The following RPS13 variants were observed in gnomAD, a reference collection of about 807,000 sequenced individuals.
RPS13 encodes the protein ribosomal protein S13.
Under a neutral mutation model 24.6 loss-of-function variants are expected in RPS13, and 1 was observed. The observed-to-expected ratio is 0.04, with a 90% CI of 0.01 to 0.19. The LOEUF is 0.19. Among genes scored for constraint, RPS13 ranks in the 10% least tolerant of loss-of-function variants. The pLI is 1.00. For missense variants in RPS13, 88 were observed against 187.4 expected, an observed-to-expected ratio of 0.47 and a Z score of 3.10; for synonymous variants, 69 against 65.3, an observed-to-expected ratio of 1.06 and a Z score of -0.27.
At chr11:17,074,813 TAA>T in intron 5 of RPS13, 2 of 657,622 alleles carry the variant, frequency 3.0e-6, no homozygotes, top group Admixed American at 4.2e-5. Context: ...ACCTACTATC[TAA>T]AAGAGAGTCA....
At chr11:17,077,572 T>TCCCCCCCCCCCCCCCCCCCC in intron 1 of RPS13, 47 bp downstream of exon 1, 1 of 1,592,334 alleles carries the variant, frequency 6.3e-7, no homozygotes, top group Admixed American at 1.7e-5. Context: ...CTCCCTGTCT[T>TCCCCCCCCCCCCCCCCCCCC]CCTCCCACCC....
Position 17,077,519 on chromosome 11 carries a change from C to T in RPS13, c.24-42G>A, listed in dbSNP as rs200055065. ...TCTCGAGGTGAGGTGGCGGCTAGTGCCAGAGCAGCCCAGAACATCATCCCC... is the reference window on the plus strand; with the variant it reads ...TCTCGAGGTGAGGTGGCGGCTAGTGTCAGAGCAGCCCAGAACATCATCCCC... On this transcript the variant is annotated intron_variant, in intron 1 of 5. Coordinates refer to ENST00000525634, the MANE Select transcript of RPS13 (RefSeq NM_001017.3). The T allele has an allele frequency of 2.2e-4, 353 of 1,613,332 alleles. 1 individual carries two copies. The East Asian group carries it at 5.8e-3, about 26-fold the overall frequency.
intron 5 of RPS13, 84 bp downstream of exon 5, chr11:17,075,013 A>C: frequency 1.1e-6 from 1 of 919,998 alleles, no homozygotes; most frequent in South Asian, 1.5e-5. Flanking sequence ...ACTAGCCCCC[A>C]AGGCTGAACA....
At chr11:17,074,876 T>C (rs1327252616) in intron 5 of RPS13, 1 of 605,938 alleles carries the variant, frequency 1.7e-6, no homozygotes, top group Middle Eastern at 3.2e-4. Flanking sequence ...GGCCCTCTGC[T>C]TGTCTTTATT....
At chr11:17,077,594 A>G (rs773766692) in intron 1 of RPS13, 25 bp downstream of exon 1, 1 of 644,702 alleles carries the variant, frequency 1.6e-6, no homozygotes, top group African/African-American at 2.1e-5. Context: ...CCGCCCAGCA[A>G]TCCGGCTTGA....
chr11:17,077,544 C>T (rs1848039222), intron 1 of RPS13, 67 bp from the exon 2 acceptor site: 2 of 1,612,636 alleles, frequency 1.2e-6, no homozygotes, highest in East Asian at 2.2e-5. Context: ...ACATCATCCC[C>T]TCGGCCCGCT....
chr11:17,074,839 T>A, intron 5 of RPS13: 1 of 647,442 alleles, frequency 1.5e-6, no homozygotes, highest in South Asian at 1.6e-5. Context: ...GGCTTATTCA[T>A]GGTCTAAATC....
At position 17,075,148 on chromosome 11, in the gene RPS13, C is replaced by T; in HGVS notation, c.371G>A (p.Arg124His). The change falls in exon 5 of 6, where the codon CGT becomes CAT. Residue 124 changes from arginine (R) to histidine (H), a missense_variant. Arg to His is a conservative substitution (Grantham distance 29). Coordinates refer to ENST00000525634, the MANE Select transcript of RPS13 (RefSeq NM_001017.3). ...CTTGGTCTTATAATATCGAGCCAAA[C>T]GGTGAATCCGGCTCTCTATTAGAAT... The part of the protein sequence containing the change: ...RLILIESRIH[R>H]LARYYKTKRV... 2 of 1,611,858 alleles carry T rather than the reference C, an allele frequency of 1.2e-6. No homozygotes were observed. Among genetic ancestry groups the T allele is most frequent in the Non-Finnish European group, 1.7e-6 (2 of 1,179,432 alleles).
rs754649727 is a variant in RPS13, at chr11:17,077,441, G to C, written c.60C>G (p.Arg20=). The C allele has an allele frequency of 1.9e-6, 3 of 1,610,800 alleles. No homozygotes were observed. Among genetic ancestry groups the C allele is most frequent in the Non-Finnish European group, 2.5e-6 (3 of 1,178,692 alleles). The change falls in exon 2 of 6, where the codon CGC becomes CGG. Residue 20 remains arginine (R), a synonymous_variant. Coordinates refer to ENST00000525634, the MANE Select transcript of RPS13 (RefSeq NM_001017.3). ...GCGCGCTACTTACAGTGGGGACGCT[G>C]CGTCGATAGGGTAAAGCCGACTGGG... The part of the protein sequence containing the change: ...GLSQSALPYR[R]SVPTWLKLTS...
In RPS13 at chr11:17,074,416, T is replaced by G. The variant is rs1033495682; in HGVS notation, c.*17A>C. On this transcript the variant is annotated 3_prime_UTR_variant, in exon 6 of 6. Transcript: ENST00000525634. ...TTAGTTAAACAATCATTTTATTGCT[T>G]GAGTACACAGACAAATTTATGCGAC... is the stretch of plus-strand genomic sequence containing the variant. 5.0e-6 allele frequency: 8 copies of G among 1,593,658 alleles called. No homozygotes were observed. The African/African-American group carries it at 9.4e-5, about 19-fold the overall frequency.
Position 17,077,233 on chromosome 11 carries a change from G to A in RPS13, c.86C>T (p.Thr29Ile). Residue 29 changes from threonine (T) to isoleucine (I), a missense_variant, in exon 3 of 6, where the codon ACA becomes ATA. Transcript: ENST00000525634. ...RRSVPTWLKL[T>I]SDDVKEQIYK... ...AATCTGCTCCTTCACGTCGTCAGAT[G>A]TCAACTTCAACCACTGTTATGGAAT... The A allele has an allele frequency of 6.2e-7, 1 of 1,613,792 alleles. No homozygotes were observed. The highest frequency in any genetic ancestry group is 8.5e-7 in the Non-Finnish European group (1 of 1,179,724).
chr11:17,077,249 G>A lies in RPS13; in HGVS notation c.73-3C>T, dbSNP rs975779179. On this transcript the variant is annotated splice_polypyrimidine_tract_variant and splice_region_variant and intron_variant, in intron 2 of 5. Transcript: ENST00000525634. ...TCGTCAGATGTCAACTTCAACCACTGTTATGGAATAGAAAGCAGCCTTAGG... is the reference window on the plus strand; with the variant it reads ...TCGTCAGATGTCAACTTCAACCACTATTATGGAATAGAAAGCAGCCTTAGG... The A allele has an allele frequency of 6.2e-7, 1 of 1,613,322 alleles. No homozygotes were observed. Among genetic ancestry groups the A allele is most frequent in the Non-Finnish European group, 8.5e-7 (1 of 1,179,310 alleles).
At chr11:17,076,332 G>A (rs571507858) in intron 3 of RPS13, 1 of 238,840 alleles carries the variant, frequency 4.2e-6, no homozygotes, top group East Asian at 1.5e-4. Context: ...GGAGGTTGCA[G>A]TGAGCCGAGA....
intron 3 of RPS13, chr11:17,076,570 AAG>A: frequency 2.3e-6 from 1 of 426,680 alleles, no homozygotes; most frequent in Non-Finnish European, 4.6e-6. Flanking sequence ...AAAAAAAAAA[AAG>A]AGGTGGGGTC....
chr11:17,077,468 C>G lies in RPS13; in HGVS notation c.33G>C (p.Leu11=), dbSNP rs770848805. 2 of 1,613,876 alleles carry G rather than the reference C, an allele frequency of 1.2e-6. No individual in the cohort carries two copies. The highest frequency in any genetic ancestry group is 1.1e-5 in the South Asian group (1 of 91,062). ...GTCGATAGGGTAAAGCCGACTGGGA[C>G]AGGCCCTTCCTGGGGAGAGAAGCAG... The part of the protein sequence containing the change: MGRMHAPGKG[L]SQSALPYRRS... Residue 11 remains leucine, a synonymous_variant, in exon 2 of 6, where the codon CTG becomes CTC. Transcript: ENST00000525634.
At chr11:17,076,110 A>G in intron 3 of RPS13, 1 of 264,436 alleles carries the variant, frequency 3.8e-6, no homozygotes, top group Non-Finnish European at 7.6e-6. Flanking sequence ...AGGTGGGATC[A>G]GGTGGTGTGG....
chr11:17,074,712 C>CTGCGAATGTCTGGCAACCA, intron 5 of RPS13: 1 of 688,018 alleles, frequency 1.5e-6, no homozygotes, highest in South Asian at 1.5e-5. Flanking sequence ...CTGGTGGAAA[C>CTGCGAATGTCTGGCAACCA]TGCGAATGTC....
At chr11:17,076,198 C>T (rs1314509087) in intron 3 of RPS13, among the ~76,000 whole-genome samples, 1 of 151,956 alleles carries the variant, frequency 6.6e-6, no homozygotes, top group Non-Finnish European at 1.5e-5. Flanking sequence ...ACCAGCCTGG[C>T]CAACATGGTG....
At position 17,077,438 on chromosome 11, in the gene RPS13, G is replaced by C; in HGVS notation, c.63C>G (p.Ser21Arg). 1 of 1,610,434 alleles carries C rather than the reference G, an allele frequency of 6.2e-7. No individual in the cohort carries two copies. The highest frequency in any genetic ancestry group is 8.5e-7 in the Non-Finnish European group (1 of 1,178,474). ...LSQSALPYRR[S>R]VPTWLKLTSD... is the part of the protein sequence containing the mutation. Reference sequence around the variant, plus strand: ...CCAGCGCGCTACTTACAGTGGGGACGCTGCGTCGATAGGGTAAAGCCGACT... The same window carrying C: ...CCAGCGCGCTACTTACAGTGGGGACCCTGCGTCGATAGGGTAAAGCCGACT... The change falls in exon 2 of 6, where the codon AGC (serine) becomes AGG (arginine). Residue 21 changes from serine to arginine, a missense_variant. Physicochemically the swap from Ser to Arg is moderately radical, Grantham distance 110. Coordinates refer to ENST00000525634, the MANE Select transcript of RPS13 (RefSeq NM_001017.3).
Sources: gnomAD v4.1 joint callset for allele counts (sites outside exome capture counted in the v4.1 genomes callset) on GRCh38, gnomAD v4.1.1 for gene constraint, MANE v1.5 for transcripts, NCBI Gene and HGNC (gene_info 2026-07-23, HGNC 2026-07-21) for gene names.